The following ADIPOQ variants were observed in gnomAD, a reference collection of about 807,000 sequenced individuals.
ADIPOQ encodes the protein adiponectin.
ADIPOQ carries 19 observed loss-of-function variants against 16.1 expected under a neutral mutation model. The ratio of observed to expected loss-of-function variants is 1.18; its 90% confidence interval spans 0.82 to 1.73. The LOEUF (loss-of-function observed/expected upper bound fraction) is 1.73, where lower values mean the gene tolerates loss of function less well. Ranked by LOEUF, ADIPOQ falls within the 40% of genes most tolerant of loss-of-function variation. ADIPOQ has a pLI of 0.00. For synonymous variants in ADIPOQ, 124 were observed against 125.5 expected (o/e 0.99, Z 0.08); for missense variants, 323 against 308.3 (o/e 1.05, Z -0.36).
chr3:186,854,082 A>G, intron 2 of ADIPOQ, 102 bp from the exon 3 acceptor site: 1 of 1,282,744 alleles, frequency 7.8e-7, no homozygotes, highest in Admixed American at 2.6e-5. Flanking sequence ...CTATAAGTCA[A>G]GAAGGTTGTG....
At chr3:186,847,015 GT>G (rs1711597047) in intron 1 of ADIPOQ, among the ~76,000 whole-genome samples, 1 of 152,202 alleles carries the variant, frequency 6.6e-6, no homozygotes, top group African/African-American at 2.4e-5. Flanking sequence ...TCCTCTCTGT[GT>G]AGCTCTGGGA....
chr3:186,855,991 G>A lies in ADIPOQ; in HGVS notation c.*1287G>A, dbSNP rs1388342091. 1 of 152,196 alleles carries A rather than the reference G, an allele frequency of 6.6e-6. No homozygotes were observed. 9.4% of individuals were successfully genotyped at this position (152,196 alleles called of 1,614,324 possible). A position where few individuals can be genotyped will look rare whatever the true frequency, so the allele number is the denominator to read the frequency against. ...ATCCACAGAAACATTTTCATTTTAG[G>A]AAATCCCTGGTTTTAAGTATCAATC... On this transcript the variant is annotated 3_prime_UTR_variant, in exon 3 of 3. Transcript: ENST00000320741.
chr3:186,848,249 A>AGAAGGAAG (rs750372787), intron 1 of ADIPOQ, among the ~76,000 whole-genome samples: 1 of 92,910 alleles, frequency 1.1e-5, no homozygotes, highest in African/African-American at 4.3e-5. Context: ...AAGGAAGGAA[A>AGAAGGAAG]GAAGGAAGGA....
intron 1 of ADIPOQ, among the ~76,000 whole-genome samples, chr3:186,849,058 T>A (rs1218221938): frequency 6.6e-6 from 1 of 152,140 alleles, no homozygotes; most frequent in East Asian, 1.9e-4. Flanking sequence ...CAGTGTTCCC[T>A]TAGGGTAGGA....
intron 1 of ADIPOQ, among the ~76,000 whole-genome samples, chr3:186,849,632 T>A (rs930170503): frequency 3.9e-5 from 6 of 152,136 alleles, no homozygotes; most frequent in African/African-American, 1.4e-4. Context: ...AGCACCTGAG[T>A]CTGATTGCAC....
chr3:186,848,297 G>A (rs55955011), intron 1 of ADIPOQ, among the ~76,000 whole-genome samples: 12 of 114,928 alleles, frequency 1.0e-4, no homozygotes, highest in Middle Eastern at 4.4e-3. Flanking sequence ...AAAGAAGGAA[G>A]GAAGGAAAGA....
chr3:186,857,537 G>A lies in ADIPOQ; in HGVS notation c.*2833G>A, dbSNP rs200198971. ...TTGGGGTGGGCTCCTTACAGAACACGCTTTCACAGTTACCCTAAACTCTCT... is the reference window on the plus strand; with the variant it reads ...TTGGGGTGGGCTCCTTACAGAACACACTTTCACAGTTACCCTAAACTCTCT... On this transcript the variant is annotated 3_prime_UTR_variant, in exon 3 of 3. Transcript: ENST00000320741. 6.6e-5 allele frequency: 10 copies of A among 152,218 alleles called. No individual in the cohort carries two copies. Among genetic ancestry groups the A allele is most frequent in the African/African-American group, 2.2e-4 (9 of 41,536 alleles). 9.4% of individuals were successfully genotyped at this position (152,218 alleles called of 1,614,324 possible). A position where few individuals can be genotyped will look rare whatever the true frequency, so the allele number is the denominator to read the frequency against.
chr3:186,844,068 T>A (rs532832382), intron 1 of ADIPOQ, among the ~76,000 whole-genome samples: 2 of 152,264 alleles, frequency 1.3e-5, no homozygotes, highest in East Asian at 3.9e-4. Flanking sequence ...GGGGGTCCCT[T>A]TATGCTAGCA....
intron 1 of ADIPOQ, among the ~76,000 whole-genome samples, chr3:186,848,930 G>A (rs954681543): frequency 1.3e-5 from 2 of 152,106 alleles, no homozygotes; most frequent in Admixed American, 6.6e-5. Context: ...TGAGGCTCCT[G>A]TGCTAATCAC....
At chr3:186,852,853 G>C (rs1711828989) in intron 1 of ADIPOQ, 198 bp from the exon 2 acceptor site, 1 of 601,352 alleles carries the variant, frequency 1.7e-6, no homozygotes, top group African/African-American at 1.9e-5. Context: ...ATAATGCTAA[G>C]TATTACAGAT....
intron 1 of ADIPOQ, 85 bp downstream of exon 1, chr3:186,842,834 T>C (rs535520095): frequency 1.7e-4 from 26 of 152,500 alleles, no homozygotes; most frequent in African/African-American, 6.3e-4. Flanking sequence ...CTCCCGTCCG[T>C]AGTAGTGTGG....
intron 1 of ADIPOQ, among the ~76,000 whole-genome samples, chr3:186,847,564 C>T (rs992195606): frequency 2.0e-5 from 3 of 152,108 alleles, no homozygotes; most frequent in African/African-American, 7.2e-5. Context: ...GATCATACTA[C>T]CTCATTTTTT....
chr3:186,847,568 AT>A (rs533578872), intron 1 of ADIPOQ, among the ~76,000 whole-genome samples: 91 of 151,338 alleles, frequency 6.0e-4, no homozygotes, highest in Admixed American at 1.8e-3. Context: ...ATACTACCTC[AT>A]TTTTTTTTAT....
At chr3:186,844,887 C>T (rs1296364744) in intron 1 of ADIPOQ, among the ~76,000 whole-genome samples, 8 of 152,080 alleles carry the variant, frequency 5.3e-5, no homozygotes, top group Non-Finnish European at 7.4e-5. Flanking sequence ...GCCAGTGGAC[C>T]GGTGGTCCCA....
chr3:186,844,511 CAAAAAAA>C (rs33955672), intron 1 of ADIPOQ, among the ~76,000 whole-genome samples: 1 of 122,464 alleles, frequency 8.2e-6, no homozygotes, highest in Non-Finnish European at 1.7e-5. Context: ...AACTCCATCT[CAAAAAAA>C]AAAAAAAAAA....
chr3:186,849,178 C>CT (rs1201216355), intron 1 of ADIPOQ, among the ~76,000 whole-genome samples: 1 of 152,236 alleles, frequency 6.6e-6, no homozygotes, highest in African/African-American at 2.4e-5. Context: ...CCCTTTATCT[C>CT]TGGGGCTTTC....
chr3:186,849,526 C>G (rs1315888809), intron 1 of ADIPOQ, among the ~76,000 whole-genome samples: 1 of 152,156 alleles, frequency 6.6e-6, no homozygotes, highest in Non-Finnish European at 1.5e-5. Context: ...ATTGAGAACA[C>G]TCTCCTGAAT....
In ADIPOQ at chr3:186,855,156, T is replaced by C. The variant is rs1159503023; in HGVS notation, c.*452T>C. 5.1e-6 allele frequency: 1 copy of C among 197,294 alleles called. No individual in the cohort carries two copies. The highest frequency in any genetic ancestry group is 1.0e-5 in the Non-Finnish European group (1 of 95,628). The allele number at this position is 197,294 out of a possible 1,614,324, so 12.2% of individuals were successfully genotyped here. On this transcript the variant is annotated 3_prime_UTR_variant, in exon 3 of 3. Transcript: ENST00000320741. ...GACTGTGCCCTTTTATAGAGGTACA[T>C]GTTCTCTTTGGAGTGTTGGTAGGTG...
At position 186,857,406 on chromosome 3, in the gene ADIPOQ, C is replaced by A. The variant is rs546997838; in HGVS notation, c.*2702C>A. ...ACAAACTCTTAATGCTGTGTTTGAGCTTTCATGAGTTTCCCAGAGAGACAT... is the reference window on the plus strand; with the variant it reads ...ACAAACTCTTAATGCTGTGTTTGAGATTTCATGAGTTTCCCAGAGAGACAT... On this transcript the variant is annotated 3_prime_UTR_variant, in exon 3 of 3. Transcript: ENST00000320741. 7.2e-5 allele frequency: 11 copies of A among 152,304 alleles called. No homozygotes were observed. Among genetic ancestry groups the A allele is most frequent in the Admixed American group, 6.5e-4 (10 of 15,302 alleles). 9.4% of individuals were successfully genotyped at this position (152,304 alleles called of 1,614,324 possible).
Sources: gnomAD v4.1 joint callset for allele counts (sites outside exome capture counted in the v4.1 genomes callset) on GRCh38, gnomAD v4.1.1 for gene constraint, MANE v1.5 for transcripts, NCBI Gene and HGNC (gene_info 2026-07-23, HGNC 2026-07-21) for gene names.